ANGPT1: variants seen among roughly 807,000 people sequenced by gnomAD.
ANGPT1 encodes angiopoietin-1.
A neutral mutation model predicts 62.2 loss-of-function variants in ANGPT1; 17 were observed. The observed-to-expected ratio is 0.27, with a 90% CI of 0.19 to 0.41. The LOEUF (loss-of-function observed/expected upper bound fraction) is 0.41. Ranked by LOEUF, ANGPT1 falls within the 10% of genes least tolerant of loss-of-function variation. The probability of loss-of-function intolerance (pLI) is 1.00; values close to 1 mark genes in which losing one functional copy is unlikely to be tolerated. For missense variants in ANGPT1, 478 were observed against 594.9 expected, an observed-to-expected ratio of 0.80 and a Z score of 2.04; for synonymous variants, 199 against 198.9, an observed-to-expected ratio of 1.00 and a Z score of 0.00.
In ANGPT1 at chr8:107,324,163, GTA is replaced by G. The variant is rs532768850; in HGVS notation, c.576-2037_576-2036del. On this transcript the variant is annotated intron_variant, in intron 3 of 8. Transcript: ENST00000517746. ...CCCCCCAGCCAAAAAAAAAAAATAT[GTA>G]TATATATATATGTGTGTGTGTGTAT... Among the ~76,000 whole-genome samples, 1,142 of 145,454 alleles carry G rather than the reference GTA, an allele frequency of 7.9e-3. 7 individuals are homozygous for G. The highest frequency in any genetic ancestry group is 0.011 in the Non-Finnish European group (765 of 66,844).
chr8:107,384,391 T>C (rs770542985), intron 1 of ANGPT1, among the ~76,000 whole-genome samples: 4 of 152,102 alleles, frequency 2.6e-5, no homozygotes, highest in Non-Finnish European at 5.9e-5. Context: ...ACATTGCATA[T>C]AAAAGTTCTT....
At chr8:107,357,084 C>T (rs955845770) in intron 1 of ANGPT1, among the ~76,000 whole-genome samples, 7 of 152,136 alleles carry the variant, frequency 4.6e-5, no homozygotes, top group African/African-American at 1.7e-4. Flanking sequence ...TAGTTATGTT[C>T]ATTTCATTGC....
Position 107,251,553 on chromosome 8 carries a change from A to T in ANGPT1, c.*302T>A, listed in dbSNP as rs572985239. On this transcript the variant is annotated 3_prime_UTR_variant, in exon 9 of 9. Coordinates refer to ENST00000517746, the MANE Select transcript of ANGPT1 (RefSeq NM_001146.5). ...ATCATCTGGCTACCATAGTTCCAAA[A>T]TAAGGTCCAGTAGTAGTTTGAAGCA... 1.5e-5 allele frequency: 4 copies of T among 260,436 alleles called. No homozygotes were observed. In the Admixed American group the frequency reaches 1.9e-4, roughly 13 times the overall value. 16.1% of individuals were successfully genotyped at this position (260,436 alleles called of 1,614,324 possible).
chr8:107,393,290 A>G (rs1010387000), intron 1 of ANGPT1, among the ~76,000 whole-genome samples: 1 of 152,120 alleles, frequency 6.6e-6, no homozygotes, highest in Admixed American at 6.6e-5. Context: ...CCTGGGCTTG[A>G]GAGGGGGAGA....
At chr8:107,431,981 C>T (rs1482708066) in intron 1 of ANGPT1, among the ~76,000 whole-genome samples, 2 of 152,096 alleles carry the variant, frequency 1.3e-5, no homozygotes, top group East Asian at 3.9e-4. Flanking sequence ...TTTCAGCAAA[C>T]TCTGGCAACT....
chr8:107,385,548 T>C (rs7843637), intron 1 of ANGPT1, among the ~76,000 whole-genome samples: 3,440 of 152,246 alleles, frequency 0.023, 125 homozygotes, highest in African/African-American at 0.076. Context: ...TATGGGGTTT[T>C]CTAGGTGTAG....
chr8:107,337,114 CT>C (rs2130124019), intron 2 of ANGPT1, among the ~76,000 whole-genome samples: 1 of 152,310 alleles, frequency 6.6e-6, no homozygotes, highest in South Asian at 2.1e-4. Flanking sequence ...GTTATCATCA[CT>C]TTACAAATGA....
At chr8:107,386,315 A>G (rs540262070) in intron 1 of ANGPT1, among the ~76,000 whole-genome samples, 1 of 152,094 alleles carries the variant, frequency 6.6e-6, no homozygotes, top group Non-Finnish European at 1.5e-5. Flanking sequence ...GGATGACAAA[A>G]TTATCTGTAT....
At chr8:107,273,405 AGATTCTTCT>A (rs1344917055) in intron 7 of ANGPT1, among the ~76,000 whole-genome samples, 1 of 152,066 alleles carries the variant, frequency 6.6e-6, no homozygotes, top group Non-Finnish European at 1.5e-5. Flanking sequence ...ATGCATTAGC[AGATTCTTCT>A]GATGACCAAA....
At chr8:107,389,935 T>TAA (rs375965920) in intron 1 of ANGPT1, among the ~76,000 whole-genome samples, 7 of 135,390 alleles carry the variant, frequency 5.2e-5, no homozygotes, top group African/African-American at 8.7e-5. Context: ...GGTTTCTTCC[T>TAA]AAAAAAAAAA....
chr8:107,423,581 C>G (rs568684390), intron 1 of ANGPT1, among the ~76,000 whole-genome samples: 1 of 152,072 alleles, frequency 6.6e-6, no homozygotes, highest in Non-Finnish European at 1.5e-5. Flanking sequence ...GAGAACACCC[C>G]CCGACTCCTC....
intron 6 of ANGPT1, among the ~76,000 whole-genome samples, chr8:107,289,551 C>T (rs1474882645): frequency 1.3e-5 from 2 of 152,086 alleles, no homozygotes; most frequent in Non-Finnish European, 2.9e-5. Flanking sequence ...AATTGTGCAT[C>T]TCCTCTAAAT....
At chr8:107,438,349 G>C (rs796697187) in intron 1 of ANGPT1, among the ~76,000 whole-genome samples, 5 of 151,476 alleles carry the variant, frequency 3.3e-5, no homozygotes, top group African/African-American at 1.2e-4. Context: ...TTTGGAGGGG[G>C]TCTTTTTGTC....
At chr8:107,383,903 T>C (rs1275782546) in intron 1 of ANGPT1, among the ~76,000 whole-genome samples, 2 of 152,132 alleles carry the variant, frequency 1.3e-5, no homozygotes, top group African/African-American at 4.8e-5. Context: ...GACCTCCCTA[T>C]AGTACCTCAC....
At chr8:107,489,960 A>T (rs1812915999) in intron 1 of ANGPT1, among the ~76,000 whole-genome samples, 1 of 152,022 alleles carries the variant, frequency 6.6e-6, no homozygotes, top group African/African-American at 2.4e-5. Flanking sequence ...AGAAGAAAAG[A>T]AAAGAACACA....
intron 1 of ANGPT1, among the ~76,000 whole-genome samples, chr8:107,465,258 A>G (rs1253807280): frequency 6.6e-6 from 1 of 152,174 alleles, no homozygotes; most frequent in Non-Finnish European, 1.5e-5. Context: ...TCCATTAAAA[A>G]ACAAATGCAT....
chr8:107,273,715 T>C (rs1396297481), intron 7 of ANGPT1, among the ~76,000 whole-genome samples: 8 of 151,978 alleles, frequency 5.3e-5, no homozygotes, highest in African/African-American at 1.4e-4. Flanking sequence ...CTATGAAGCC[T>C]TTCCCAGTCC....
intron 5 of ANGPT1, 109 bp downstream of exon 5, chr8:107,303,131 G>T: frequency 7.7e-7 from 1 of 1,302,216 alleles, no homozygotes; most frequent in Non-Finnish European, 1.1e-6. Context: ...AAAAGTTCAG[G>T]CATCTCTATA....
chr8:107,333,286 C>T (rs1815468540), intron 3 of ANGPT1, among the ~76,000 whole-genome samples: 1 of 151,958 alleles, frequency 6.6e-6, no homozygotes, highest in African/African-American at 2.4e-5. Context: ...AGAGATACAG[C>T]AATACCAGGA....
Sources: allele counts gnomAD v4.1 joint callset (sites outside exome capture counted in the v4.1 genomes callset), GRCh38; gene constraint gnomAD v4.1.1; transcripts MANE v1.5; gene names NCBI Gene and HGNC (gene_info 2026-07-23, HGNC 2026-07-21).